The following DOCK8 variants were observed in gnomAD, a reference collection of about 807,000 sequenced individuals.
The protein encoded by DOCK8 is dedicator of cytokinesis protein 8.
A neutral mutation model predicts 245.6 loss-of-function variants in DOCK8; 141 were observed. The observed-to-expected ratio is 0.57, with a 90% confidence interval of 0.50 to 0.66. The LOEUF (loss-of-function observed/expected upper bound fraction) is 0.66, where lower values mean the gene tolerates loss of function less well. Among genes scored for constraint, DOCK8 ranks in the 30% least tolerant of loss-of-function variants. The probability of loss-of-function intolerance (pLI) is 0.00; values close to 1 mark genes in which losing one functional copy is unlikely to be tolerated. For synonymous variants in DOCK8, 1,168 were observed against 970.2 expected (o/e 1.20, Z -3.79); for missense variants, 2,965 against 2,603.4 (o/e 1.14, Z -3.02).
intron 8 of DOCK8, among the ~76,000 whole-genome samples, chr9:325,972 A>G (rs1397238889): frequency 6.6e-6 from 1 of 152,244 alleles, no homozygotes; most frequent in African/African-American, 2.4e-5. Flanking sequence ...CCTGGTTGGA[A>G]TAGAGAAAGA....
chr9:317,078 T>G lies in DOCK8; in HGVS notation c.777T>G (p.Cys259Trp), dbSNP rs531488965. Residue 259 changes from cysteine to tryptophan, a missense_variant, in exon 7 of 48, where the codon TGT (cysteine) becomes TGG (tryptophan). This residue lies in a region of DOCK8 where 2,825 missense variants were observed against 2,453.5 expected (regional missense o/e 1.15). Transcript: ENST00000432829. ...TGGAAATACGTCCAGTACCAGAATGTCCCAAGGAACACCTGGGCAACAGAA... is the reference window on the plus strand; with the variant it reads ...TGGAAATACGTCCAGTACCAGAATGGCCCAAGGAACACCTGGGCAACAGAA... The part of the protein sequence containing the change: ...DAVEIRPVPE[C>W]PKEHLGNRIL... The G allele has an allele frequency of 6.2e-7, 1 of 1,614,070 alleles. No individual in the cohort carries two copies. Among genetic ancestry groups the G allele is most frequent in the East Asian group, 2.2e-5 (1 of 44,874 alleles).
chr9:392,500 G>C (rs1400328868), intron 24 of DOCK8, among the ~76,000 whole-genome samples: 3 of 152,170 alleles, frequency 2.0e-5, no homozygotes, highest in Admixed American at 2.0e-4. Context: ...CTTTCTCAAA[G>C]CACTAAAATT....
At chr9:336,067 C>T (rs2051295958) in intron 11 of DOCK8, among the ~76,000 whole-genome samples, 1 of 152,134 alleles carries the variant, frequency 6.6e-6, no homozygotes. Flanking sequence ...GGGCAGATCA[C>T]CCAAGGCAGA....
intron 1 of DOCK8, among the ~76,000 whole-genome samples, chr9:264,864 C>G (rs901893731): frequency 1.3e-5 from 2 of 152,216 alleles, no homozygotes; most frequent in African/African-American, 4.8e-5. Context: ...AATGATCTAA[C>G]CCTTTGATAG....
At chr9:356,529 C>CAAA (rs71482278) in intron 14 of DOCK8, among the ~76,000 whole-genome samples, 12 of 130,106 alleles carry the variant, frequency 9.2e-5, no homozygotes, top group African/African-American at 2.3e-4. Context: ...GACTCTGTCT[C>CAAA]AAAAAAAAAA....
At chr9:421,921 C>G (rs913342042) in intron 32 of DOCK8, 127 bp from the exon 33 acceptor site, 1 of 834,940 alleles carries the variant, frequency 1.2e-6, no homozygotes, top group Non-Finnish European at 2.0e-6. Context: ...TACCAGCAAC[C>G]TGCATGGACT....
chr9:334,075 C>T, intron 10 of DOCK8, 150 bp from the exon 11 acceptor site: 1 of 828,742 alleles, frequency 1.2e-6, no homozygotes, highest in Non-Finnish European at 1.9e-6. Flanking sequence ...TCTGCCTATT[C>T]ACTGTTTTTA....
At chr9:402,444 T>G (rs764713940) in intron 26 of DOCK8, among the ~76,000 whole-genome samples, 1 of 152,200 alleles carries the variant, frequency 6.6e-6, no homozygotes, top group African/African-American at 2.4e-5. Flanking sequence ...ATTAGATTTA[T>G]CCACTGATTC....
chr9:271,532 C>T (rs1425723183), intron 1 of DOCK8, 95 bp from the exon 2 acceptor site: 2 of 1,004,032 alleles, frequency 2.0e-6, no homozygotes, highest in Non-Finnish European at 3.0e-6. Context: ...CAGCCAAGGC[C>T]TACGTTTTAT....
In DOCK8 at chr9:336,525, C is replaced by T. The variant is rs541684448; in HGVS notation, c.1286-57C>T. ...ATCATACATATTGTGAAGTTAATAA[C>T]TGCTGTGTGTTTGAACAGAAAGGCA... On this transcript the variant is annotated intron_variant, in intron 11 of 47. Coordinates refer to ENST00000432829, the MANE Select transcript of DOCK8 (RefSeq NM_203447.4). 9.9e-6 allele frequency: 16 copies of T among 1,610,102 alleles called. No homozygotes were observed. The East Asian group carries it at 2.0e-4, about 20-fold the overall frequency.
chr9:417,032 C>A lies in DOCK8; in HGVS notation c.3701-1036C>A, dbSNP rs138802734. Among the ~76,000 whole-genome samples the A allele has an allele frequency of 2.2e-4, 33 of 152,272 alleles. 1 individual carries two copies. In the East Asian group the frequency reaches 5.8e-3, roughly 27 times the overall value. On this transcript the variant is annotated intron_variant, in intron 29 of 47. Transcript: ENST00000432829. ...GGTTTTGGCTCGGTGTGGTGGCTCA[C>A]CCCTGTAATCCCAGCACTTTGGGAG... is the stretch of plus-strand genomic sequence containing the variant.
At position 405,962 on chromosome 9, in the gene DOCK8, C is replaced by T. The variant is rs558142243; in HGVS notation, c.3390+889C>T. ...GGACTAAGCTTACCCTAGGTTCTTT[C>T]CCACCTTCCCCTTCTGACTGCCCCA... On this transcript the variant is annotated intron_variant, in intron 27 of 47. Transcript: ENST00000432829. 1.4e-3 allele frequency among the ~76,000 whole-genome samples: 210 copies of T among 152,308 alleles called. 1 individual carries two copies. The highest frequency in any genetic ancestry group is 5.0e-3 in the African/African-American group (207 of 41,558).
chr9:312,227 A>G (rs1357468499), intron 6 of DOCK8, 61 bp downstream of exon 6: 3 of 1,574,430 alleles, frequency 1.9e-6, no homozygotes, highest in Non-Finnish European at 2.6e-6. Context: ...TCATGTGGAC[A>G]ATTGTGTTGT....
chr9:251,162 A>T (rs1234620713), intron 1 of DOCK8, among the ~76,000 whole-genome samples: 1 of 152,162 alleles, frequency 6.6e-6, no homozygotes, highest in Non-Finnish European at 1.5e-5. Flanking sequence ...CCCATCCCAC[A>T]TTCTAGAAAA....
At chr9:274,573 G>A (rs544581726) in intron 2 of DOCK8, among the ~76,000 whole-genome samples, 2 of 149,558 alleles carry the variant, frequency 1.3e-5, no homozygotes, top group Admixed American at 1.4e-4. Flanking sequence ...ATGTCAGAAT[G>A]AAGTGGCTGT....
chr9:357,023 C>T (rs1386765230), intron 14 of DOCK8, among the ~76,000 whole-genome samples: 3 of 152,156 alleles, frequency 2.0e-5, no homozygotes, highest in Non-Finnish European at 4.4e-5. Flanking sequence ...ACCATAAACA[C>T]TCTAGCTTTC....
intron 30 of DOCK8, 52 bp from the exon 31 acceptor site, chr9:420,349 C>T (rs1027104948): frequency 7.3e-5 from 117 of 1,606,112 alleles, no homozygotes; most frequent in Non-Finnish European, 9.5e-5. Context: ...TCAAATTTTT[C>T]TGTTGCTTGA....
In DOCK8 at chr9:418,770, A is replaced by T. The variant is rs561370752; in HGVS notation, c.3840+563A>T. On this transcript the variant is annotated intron_variant, in intron 30 of 47. Coordinates refer to ENST00000432829, the MANE Select transcript of DOCK8 (RefSeq NM_203447.4). ...GTTCAAGTTCAAGAAACCGGAAAAGAGGAAAACTTGGGAAATCTGAAATCC... is the reference window on the plus strand; with the variant it reads ...GTTCAAGTTCAAGAAACCGGAAAAGTGGAAAACTTGGGAAATCTGAAATCC... 2.0e-5 allele frequency among the ~76,000 whole-genome samples: 3 copies of T among 152,326 alleles called. No homozygotes were observed. In the South Asian group the frequency reaches 6.2e-4, roughly 32 times the overall value.
intron 1 of DOCK8, among the ~76,000 whole-genome samples, chr9:248,188 G>A (rs969587490): frequency 2.0e-5 from 3 of 152,160 alleles, no homozygotes; most frequent in Admixed American, 2.0e-4. Context: ...TGTCCACCCT[G>A]GGCTTTGCCC....
Sources: allele counts gnomAD v4.1 joint callset (sites outside exome capture counted in the v4.1 genomes callset), GRCh38; gene constraint gnomAD v4.1.1; regional missense constraint gnomAD v4.1.1; transcripts MANE v1.5; gene names NCBI Gene and HGNC (gene_info 2026-07-23, HGNC 2026-07-21).